WASF2: variants seen among roughly 807,000 people sequenced by gnomAD.
The protein encoded by WASF2 is WASP family member 2.
A neutral mutation model predicts 45.0 loss-of-function variants in WASF2; 14 were observed. The observed-to-expected ratio is 0.31, with a 90% CI of 0.21 to 0.49. WASF2 has a LOEUF of 0.49. Ranked by LOEUF, WASF2 falls within the 20% of genes least tolerant of loss-of-function variation. The pLI is 0.99. For synonymous variants in WASF2, 200 were observed against 236.3 expected (o/e 0.85, Z 1.41); for missense variants, 439 against 636.1 (o/e 0.69, Z 3.33).
intron 1 of WASF2, among the ~76,000 whole-genome samples, chr1:27,470,664 G>C (rs564946182): frequency 6.7e-6 from 1 of 150,086 alleles, no homozygotes; most frequent in African/African-American, 2.5e-5. Context: ...AGGGGATTTG[G>C]GGGGCTGGGG....
Position 27,454,125 on chromosome 1 carries a change from GTATATATATA to G in WASF2, c.-43-25202_-43-25193del, listed in dbSNP as rs201332321. Among the ~76,000 whole-genome samples, 4 of 89,276 alleles carry G rather than the reference GTATATATATA, an allele frequency of 4.5e-5. No individual in the cohort carries two copies. The East Asian group carries it at 1.4e-3, about 30-fold the overall frequency. The allele number at this position is 89,276 out of a possible 152,430, so 58.6% of individuals were successfully genotyped here. ...CATATATATGTGTATATATATGTGT[GTATATATATA>G]TGTGTGTGTGTGTGTGTGTATATAT... On this transcript the variant is annotated intron_variant, in intron 1 of 8. Transcript: ENST00000618852.
chr1:27,481,459 G>C (rs2017848802), intron 1 of WASF2, among the ~76,000 whole-genome samples: 1 of 152,186 alleles, frequency 6.6e-6, no homozygotes, highest in Admixed American at 6.5e-5. Flanking sequence ...AGCACTTTGG[G>C]AAGCAGAGGT....
Position 27,428,840 on chromosome 1 carries a change from C to T in WASF2, c.51G>A (p.Thr17=), listed in dbSNP as rs769299331. Residue 17 remains threonine (T), a synonymous_variant, in exon 2 of 9, where the codon ACG becomes ACA. Transcript: ENST00000618852. ...NIEPRHLCRQ[T]LPSVRSELEC... is the part of the protein sequence containing the mutation. ...CCAGCTCGCTTCTAACGCTAGGCAA[C>T]GTCTGACGGCACAGGTGCCTTGGCT... 18 of 1,614,044 alleles carry T rather than the reference C, an allele frequency of 1.1e-5. No homozygotes were observed. In the South Asian group the frequency reaches 1.3e-4, roughly 12 times the overall value.
chr1:27,454,153 GTATATATATATA>G (rs869245464), intron 1 of WASF2, among the ~76,000 whole-genome samples: 29 of 98,684 alleles, frequency 2.9e-4, no homozygotes, highest in Non-Finnish European at 3.6e-4. Context: ...GTGTGTGTGT[GTATATATATATA>G]TATATATATA....
chr1:27,454,183 ATATATTTTTTTT>A (rs1557612448), intron 1 of WASF2, among the ~76,000 whole-genome samples: 166 of 8,450 alleles, frequency 0.02, no homozygotes, highest in African/African-American at 0.048. Flanking sequence ...ATATATATAT[ATATATTTTTTTT>A]TTTTTTTTTT....
intron 1 of WASF2, among the ~76,000 whole-genome samples, chr1:27,485,578 C>T (rs1402188910): frequency 5.1e-4 from 77 of 152,110 alleles, no homozygotes; most frequent in Non-Finnish European, 5.9e-5. Context: ...ACATTTTAAT[C>T]ACAGTAAGAT....
rs960937836 is a variant in WASF2 at position 27,407,842 on chromosome 1, T to A, written c.*347A>T. 4.8e-6 allele frequency: 1 copy of A among 207,760 alleles called. No individual in the cohort carries two copies. Among genetic ancestry groups the A allele is most frequent in the Non-Finnish European group, 9.7e-6 (1 of 103,544 alleles). The allele number at this position is 207,760 out of a possible 1,614,324, so 12.9% of individuals were successfully genotyped here. A position where few individuals can be genotyped will look rare whatever the true frequency, so the allele number is the denominator to read the frequency against. ...GGGCACAGGTTTTAGAAGGCTGTAG[T>A]TGAATATGGCTCCTAAGGGAAGCCC... On this transcript the variant is annotated 3_prime_UTR_variant, in exon 9 of 9. Transcript: ENST00000618852.
intron 1 of WASF2, among the ~76,000 whole-genome samples, chr1:27,458,715 A>T (rs1230256876): frequency 6.6e-6 from 1 of 151,400 alleles, no homozygotes; most frequent in Non-Finnish European, 1.5e-5. Context: ...ATTGCTTGAA[A>T]CTGGGAGGTG....
chr1:27,452,132 G>C (rs979864971), intron 1 of WASF2, among the ~76,000 whole-genome samples: 3 of 152,174 alleles, frequency 2.0e-5, no homozygotes, highest in South Asian at 2.1e-4. Context: ...TGCAAAAGAA[G>C]AACTAGGGAG....
intron 1 of WASF2, among the ~76,000 whole-genome samples, chr1:27,443,778 G>GTATT (rs1381030607): frequency 9.9e-5 from 15 of 150,952 alleles, no homozygotes; most frequent in African/African-American, 3.2e-4. Context: ...TACTATAGTT[G>GTATT]TATTTATTTA....
intron 1 of WASF2, among the ~76,000 whole-genome samples, chr1:27,466,478 C>T (rs1043328141): frequency 5.9e-5 from 9 of 152,184 alleles, no homozygotes; most frequent in African/African-American, 1.7e-4. Context: ...CAACAGGAGC[C>T]ACTGCATACA....
rs144140646 is a variant in WASF2 at position 27,428,830 on chromosome 1, C to T, written c.61G>A (p.Val21Ile). The T allele has an allele frequency of 1.1e-4, 174 of 1,614,066 alleles. No homozygotes were observed. The highest frequency in any genetic ancestry group is 7.2e-4 in the South Asian group (66 of 91,084). Residue 21 changes from valine (V) to isoleucine (I), a missense_variant, in exon 2 of 9, where the codon GTT becomes ATT. Coordinates refer to ENST00000618852, the MANE Select transcript of WASF2 (RefSeq NM_006990.5). Reference sequence around the variant, plus strand: ...GTCACGCATTCCAGCTCGCTTCTAACGCTAGGCAACGTCTGACGGCACAGG... The same window carrying T: ...GTCACGCATTCCAGCTCGCTTCTAATGCTAGGCAACGTCTGACGGCACAGG... Reference protein sequence around the residue: ...RHLCRQTLPSVRSELECVTNI... With the variant: ...RHLCRQTLPSIRSELECVTNI...
chr1:27,409,841 G>A lies in WASF2; in HGVS notation c.1190C>T (p.Pro397Leu), dbSNP rs1480961588. The A allele has an allele frequency of 1.3e-6, 2 of 1,546,434 alleles. No homozygotes were observed. Among genetic ancestry groups the A allele is most frequent in the South Asian group, 1.3e-5 (1 of 79,868 alleles). ...TGGAPPPPPP[P>L]PPPGPPPPPF... is the part of the protein sequence containing the mutation. ...GGGAGGAGGGGGCCCCGGAGGAGGAGGAGGAGGGGGAGGAGGAGGTGCTCC... is the reference window on the plus strand; with the variant it reads ...GGGAGGAGGGGGCCCCGGAGGAGGAAGAGGAGGGGGAGGAGGAGGTGCTCC... The change falls in exon 8 of 9, where the codon CCT becomes CTT. Residue 397 changes from proline (P) to leucine (L), a missense_variant. This residue lies in a region of WASF2 where 286 missense variants were observed against 373.5 expected (regional missense o/e 0.77). Transcript: ENST00000618852.
intron 1 of WASF2, among the ~76,000 whole-genome samples, chr1:27,458,039 G>A (rs1465465296): frequency 6.6e-6 from 1 of 152,020 alleles, no homozygotes; most frequent in African/African-American, 2.4e-5. Context: ...GCTGGGCGCG[G>A]TGGCTCATGC....
chr1:27,445,666 A>C (rs2148122001), intron 1 of WASF2, among the ~76,000 whole-genome samples: 1 of 152,312 alleles, frequency 6.6e-6, no homozygotes, highest in African/African-American at 2.4e-5. Context: ...GCTTATTTAA[A>C]ATCCCAGCCT....
chr1:27,418,245 A>G, intron 4 of WASF2, 24 bp downstream of exon 4: 3 of 1,596,960 alleles, frequency 1.9e-6, no homozygotes, highest in South Asian at 2.3e-5. Flanking sequence ...AGGTTGAAAA[A>G]GGGAGGAACT....
At chr1:27,427,045 G>A (rs2016995488) in intron 2 of WASF2, among the ~76,000 whole-genome samples, 3 of 152,034 alleles carry the variant, frequency 2.0e-5, no homozygotes. Flanking sequence ...AGTCCTGGAG[G>A]GCAGAGACAA....
At chr1:27,438,827 G>T (rs2017171137) in intron 1 of WASF2, among the ~76,000 whole-genome samples, 1 of 152,166 alleles carries the variant, frequency 6.6e-6, no homozygotes, top group Non-Finnish European at 1.5e-5. Context: ...GCTGTAACAA[G>T]AATTCATTCC....
rs149863583 is a variant in WASF2, at chr1:27,443,970, G to A, written c.-43-15037C>T. 3.4e-3 allele frequency among the ~76,000 whole-genome samples: 518 copies of A among 152,050 alleles called. 2 individuals are homozygous for A. The highest frequency in any genetic ancestry group is 7.3e-3 in the South Asian group (35 of 4,818). On this transcript the variant is annotated intron_variant, in intron 1 of 8. Transcript: ENST00000618852. ...TAATTTTTGTATTTTTAGTAGATAT[G>A]GCGTTTCATCATGTTGGCCAGGCTG...
Sources: allele counts gnomAD v4.1 joint callset (sites outside exome capture counted in the v4.1 genomes callset), GRCh38; gene constraint gnomAD v4.1.1; regional missense constraint gnomAD v4.1.1; transcripts MANE v1.5; gene names NCBI Gene and HGNC (gene_info 2026-07-23, HGNC 2026-07-21).